ARFGEF1: variants seen among roughly 807,000 people sequenced by gnomAD.
The protein encoded by ARFGEF1 is ARF guanine nucleotide exchange factor 1, also known as brefeldin A-inhibited guanine nucleotide-exchange protein 1.
A neutral mutation model predicts 231.0 loss-of-function variants in ARFGEF1; 42 were observed. The ratio of observed to expected loss-of-function variants is 0.18; its 90% CI spans 0.14 to 0.24. The LOEUF (loss-of-function observed/expected upper bound fraction) is 0.24. ARFGEF1 is among the 10% of genes least tolerant of loss of function. The pLI is 1.00. For missense variants in ARFGEF1, 1,345 were observed against 2,192.0 expected, an observed-to-expected ratio of 0.61 and a Z score of 7.72; for synonymous variants, 710 against 732.3, an observed-to-expected ratio of 0.97 and a Z score of 0.49.
chr8:67,291,726 C>T, intron 6 of ARFGEF1, 121 bp downstream of exon 6: 2 of 1,325,292 alleles, frequency 1.5e-6, no homozygotes, highest in Middle Eastern at 2.2e-4. Context: ...TCCACAATTA[C>T]CACAATGTGT....
Position 67,198,483 on chromosome 8 carries a change from C to T in ARFGEF1, c.*451G>A. 1 of 989,324 alleles carries T rather than the reference C, an allele frequency of 1.0e-6. No individual in the cohort carries two copies. The highest frequency in any genetic ancestry group is 1.2e-6 in the Non-Finnish European group (1 of 832,508). 61.3% of individuals were successfully genotyped at this position (989,324 alleles called of 1,614,324 possible). On this transcript the variant is annotated 3_prime_UTR_variant, in exon 39 of 39. Coordinates refer to ENST00000262215, the MANE Select transcript of ARFGEF1 (RefSeq NM_006421.5). ...CTTCAGAATAAGAATACCATAGTTGCTAAATATCTTTTACCATGAACAATA... is the reference window on the plus strand; with the variant it reads ...CTTCAGAATAAGAATACCATAGTTGTTAAATATCTTTTACCATGAACAATA...
intron 5 of ARFGEF1, among the ~76,000 whole-genome samples, chr8:67,192,246 T>C (rs1836540719): frequency 6.6e-6 from 1 of 152,074 alleles, no homozygotes; most frequent in Non-Finnish European, 1.5e-5. Flanking sequence ...GGCTAAGTTT[T>C]GTATTTTTAG....
At chr8:67,298,205 C>T (rs1443020148) in intron 4 of ARFGEF1, among the ~76,000 whole-genome samples, 1 of 151,794 alleles carries the variant, frequency 6.6e-6, no homozygotes, top group Non-Finnish European at 1.5e-5. Flanking sequence ...CATGAAAGAA[C>T]ACTTCATATA....
intron 5 of ARFGEF1, among the ~76,000 whole-genome samples, chr8:67,178,388 TTTA>T (rs541036363): frequency 1.0e-3 from 154 of 152,338 alleles, no homozygotes; most frequent in African/African-American, 3.4e-3. Flanking sequence ...TCAACAAATA[TTTA>T]TTATTTCCTA....
At chr8:67,195,037 T>TAAC (rs1837589166), downstream of ARFGEF1, among the ~76,000 whole-genome samples, 1 of 152,238 alleles carries the variant, frequency 6.6e-6, no homozygotes, top group South Asian at 2.1e-4. Flanking sequence ...TCTCCTGAGG[T>TAAC]AACAGTTACA....
intron 34 of ARFGEF1, among the ~76,000 whole-genome samples, chr8:67,205,889 T>A (rs1246780613): frequency 6.7e-6 from 1 of 149,346 alleles, no homozygotes; most frequent in Non-Finnish European, 1.5e-5. Flanking sequence ...AATAAATAAA[T>A]AAATAAAATT....
intron 33 of ARFGEF1, 84 bp downstream of exon 33, chr8:67,216,506 C>T: frequency 1.6e-6 from 2 of 1,225,762 alleles, no homozygotes; most frequent in South Asian, 2.9e-5. Flanking sequence ...TGGATTAAGA[C>T]AATTACATGT....
chr8:67,259,102 T>C (rs546074452), intron 15 of ARFGEF1, among the ~76,000 whole-genome samples: 7 of 152,338 alleles, frequency 4.6e-5, no homozygotes, highest in Admixed American at 4.6e-4. Flanking sequence ...ACAGATGCAA[T>C]TACCCATTAT....
chr8:67,309,222 G>T (rs763311882), intron 1 of ARFGEF1, among the ~76,000 whole-genome samples: 35 of 152,308 alleles, frequency 2.3e-4, no homozygotes, highest in Non-Finnish European at 4.1e-4. Flanking sequence ...CAAACTCATA[G>T]AAGTAGAGTA....
At chr8:67,232,730 C>A in intron 23 of ARFGEF1, 125 bp downstream of exon 23, 1 of 735,050 alleles carries the variant, frequency 1.4e-6, no homozygotes, top group South Asian at 2.3e-5. Flanking sequence ...CAGCATATCA[C>A]AATATAATTT....
intron 5 of ARFGEF1, among the ~76,000 whole-genome samples, chr8:67,184,145 G>A (rs995697609): frequency 6.6e-5 from 10 of 152,110 alleles, no homozygotes; most frequent in East Asian, 5.8e-4. Flanking sequence ...GAGCCACTGC[G>A]CCCGGCCAAA....
rs1280727022 is a variant in ARFGEF1 at position 67,266,205 on chromosome 8, G to A, written c.1924C>T (p.Gln642Ter). ...VNPNSQTTLG[Q>*]EKPSEQEMSE... Reference sequence around the variant, plus strand: ...ATCTCTTGCTCTGAGGGTTTTTCCTGACCTGAAAGAAGAAAAATTGATAGA... The same window carrying A: ...ATCTCTTGCTCTGAGGGTTTTTCCTAACCTGAAAGAAGAAAAATTGATAGA... The change falls in exon 14 of 39, where the codon CAG (glutamine) becomes TAG (stop). Residue 642 changes from glutamine to a stop codon, truncating the protein, a stop_gained and splice_region_variant. Coordinates refer to ENST00000262215, the MANE Select transcript of ARFGEF1 (RefSeq NM_006421.5). LOFTEE classifies it high-confidence loss of function. 6.2e-7 allele frequency: 1 copy of A among 1,611,558 alleles called. No homozygotes were observed. Among genetic ancestry groups the A allele is most frequent in the Non-Finnish European group, 8.5e-7 (1 of 1,178,980 alleles).
intron 22 of ARFGEF1, among the ~76,000 whole-genome samples, chr8:67,234,966 AAAC>A (rs1839671064): frequency 6.6e-6 from 1 of 151,444 alleles, no homozygotes; most frequent in Non-Finnish European, 1.5e-5. Context: ...TATGAGAAAA[AAAC>A]AATGCCAATC....
At chr8:67,339,433 C>G (rs188120149) in intron 1 of ARFGEF1, among the ~76,000 whole-genome samples, 8 of 152,172 alleles carry the variant, frequency 5.3e-5, no homozygotes, top group Admixed American at 5.2e-4. Context: ...AAAGCATAAG[C>G]TGAACTAGTC....
chr8:67,306,878 A>G (rs1393368645), intron 1 of ARFGEF1, among the ~76,000 whole-genome samples: 1 of 152,184 alleles, frequency 6.6e-6, no homozygotes, highest in East Asian at 1.9e-4. Context: ...CCTGGGTTCA[A>G]GCAATTCTCC....
chr8:67,288,074 G>T lies in ARFGEF1; in HGVS notation c.917-9C>A. On this transcript the variant is annotated splice_polypyrimidine_tract_variant and intron_variant, in intron 6 of 38. Coordinates refer to ENST00000262215, the MANE Select transcript of ARFGEF1 (RefSeq NM_006421.5). ...TTCATTTTTAGATAATGCTTTAAAAGAAGAAAAATTCAACAGAACATTATT... is the reference window on the plus strand; with the variant it reads ...TTCATTTTTAGATAATGCTTTAAAATAAGAAAAATTCAACAGAACATTATT... 1.9e-6 allele frequency: 3 copies of T among 1,546,618 alleles called. No individual in the cohort carries two copies. The highest frequency in any genetic ancestry group is 2.4e-5 in the South Asian group (2 of 82,086).
intron 29 of ARFGEF1, among the ~76,000 whole-genome samples, chr8:67,221,593 T>A (rs995210575): frequency 6.6e-6 from 1 of 152,174 alleles, no homozygotes; most frequent in Non-Finnish European, 1.5e-5. Context: ...TCAAGTTTTT[T>A]AAAATTTTAA....
chr8:67,253,253 T>C (rs1329543557), intron 18 of ARFGEF1, among the ~76,000 whole-genome samples, 198 bp downstream of exon 18: 1 of 152,198 alleles, frequency 6.6e-6, no homozygotes, highest in Non-Finnish European at 1.5e-5. Context: ...AGTTTTTTCT[T>C]TTTTAGAGAC....
chr8:67,341,200 AAT>A (rs1180339408), intron 1 of ARFGEF1, among the ~76,000 whole-genome samples: 1 of 152,162 alleles, frequency 6.6e-6, no homozygotes, highest in Non-Finnish European at 1.5e-5. Flanking sequence ...GGAGAAGGAA[AAT>A]ATATACATAC....
Sources: gnomAD v4.1 joint callset for allele counts (sites outside exome capture counted in the v4.1 genomes callset) on GRCh38, gnomAD v4.1.1 for gene constraint, MANE v1.5 for transcripts, NCBI Gene and HGNC (gene_info 2026-07-23, HGNC 2026-07-21) for gene names.